Variants in ZNF385D observed in about 807,000 individuals in gnomAD.
The protein encoded by ZNF385D is zinc finger protein 385D.
ZNF385D carries 15 observed loss-of-function variants against 35.8 expected under a neutral mutation model. The ratio of observed to expected loss-of-function variants is 0.42; its 90% CI spans 0.28 to 0.64. ZNF385D has a LOEUF of 0.64. ZNF385D is among the 30% of genes least tolerant of loss of function. ZNF385D has a pLI of 0.23. For missense variants in ZNF385D, 474 were observed against 494.6 expected, an observed-to-expected ratio of 0.96 and a Z score of 0.39; for synonymous variants, 212 against 186.8, an observed-to-expected ratio of 1.13 and a Z score of -1.10.
At chr3:22,008,656 C>A (rs1206246567) in intron 3 of ZNF385D, among the ~76,000 whole-genome samples, 2 of 151,940 alleles carry the variant, frequency 1.3e-5, no homozygotes, top group African/African-American at 4.8e-5. Context: ...GCGCCCAGCC[C>A]GGGCCATGCT....
rs35583066 is a variant in ZNF385D, at chr3:22,287,180, T to C, written c.106+85270A>G. 2.4e-4 allele frequency among the ~76,000 whole-genome samples: 37 copies of C among 152,204 alleles called. No homozygotes were observed. In the South Asian group the frequency reaches 7.3e-3, roughly 30 times the overall value. On this transcript the variant is annotated intron_variant, in intron 2 of 5. Transcript: ENST00000494108. ...TTTACTTAAAGCTTACGTTGTCTAA[T>C]ATAAGTATAGCTACCTCTGCTCTCT...
chr3:22,252,577 T>C (rs1281744533), intron 2 of ZNF385D, among the ~76,000 whole-genome samples: 1 of 152,092 alleles, frequency 6.6e-6, no homozygotes, highest in Non-Finnish European at 1.5e-5. Context: ...TTGGGTGCTG[T>C]GCATTGTGCT....
At chr3:22,203,295 G>A (rs959550999) in intron 2 of ZNF385D, among the ~76,000 whole-genome samples, 2 of 152,072 alleles carry the variant, frequency 1.3e-5, no homozygotes, top group African/African-American at 4.8e-5. Context: ...TGGGACAGAA[G>A]GGAATATGCT....
At chr3:21,887,741 C>G (rs886962172) in intron 3 of ZNF385D, among the ~76,000 whole-genome samples, 5 of 152,058 alleles carry the variant, frequency 3.3e-5, no homozygotes, top group African/African-American at 1.2e-4. Flanking sequence ...AAGACTTACC[C>G]TAGGCTCTAG....
chr3:22,199,680 G>C (rs145951146), intron 2 of ZNF385D, among the ~76,000 whole-genome samples: 51 of 152,176 alleles, frequency 3.4e-4, no homozygotes, highest in African/African-American at 1.2e-3. Flanking sequence ...TGGAAACACT[G>C]TAGTAAAAAA....
intron 3 of ZNF385D, chr3:21,942,613 G>A (rs760875623): frequency 2.3e-4 from 35 of 152,294 alleles, no homozygotes; most frequent in East Asian, 3.9e-4. Flanking sequence ...ATGAAGTGCT[G>A]TTGACAGAAG....
chr3:22,131,997 G>A (rs952128932), intron 3 of ZNF385D, among the ~76,000 whole-genome samples: 3 of 152,164 alleles, frequency 2.0e-5, no homozygotes, highest in African/African-American at 7.2e-5. Context: ...AGGGGTGCAG[G>A]CCTGAAGTAG....
At chr3:21,628,463 T>G (rs1004779012) in intron 2 of ZNF385D, among the ~76,000 whole-genome samples, 6 of 151,920 alleles carry the variant, frequency 3.9e-5, no homozygotes, top group Non-Finnish European at 7.4e-5. Context: ...AAGGGTACTC[T>G]TGGAGAAAAA....
chr3:22,021,638 T>G (rs1697229993), intron 3 of ZNF385D, among the ~76,000 whole-genome samples: 1 of 152,074 alleles, frequency 6.6e-6, no homozygotes, highest in Admixed American at 6.6e-5. Context: ...TAACAAATAC[T>G]CAATACAAGT....
chr3:22,126,094 C>T (rs1271629020), intron 3 of ZNF385D, among the ~76,000 whole-genome samples: 1 of 151,700 alleles, frequency 6.6e-6, no homozygotes, highest in Non-Finnish European at 1.5e-5. Flanking sequence ...CCTTGTATAC[C>T]CAGGTTTTTG....
chr3:22,121,598 A>C (rs1309037673), intron 3 of ZNF385D, among the ~76,000 whole-genome samples: 1 of 152,168 alleles, frequency 6.6e-6, no homozygotes, highest in Non-Finnish European at 1.5e-5. Context: ...AATGCAAAAC[A>C]AACAGTAATC....
chr3:21,914,948 A>T (rs1157447993), intron 3 of ZNF385D, among the ~76,000 whole-genome samples: 1 of 151,952 alleles, frequency 6.6e-6, no homozygotes, highest in African/African-American at 2.4e-5. Flanking sequence ...ATCCAAAATT[A>T]GTATGTGTGC....
chr3:21,980,157 A>C (rs1694346499), intron 3 of ZNF385D, among the ~76,000 whole-genome samples: 1 of 152,306 alleles, frequency 6.6e-6, no homozygotes, highest in Non-Finnish European at 1.5e-5. Flanking sequence ...GGAACTACTA[A>C]GACCTCTTGC....
intron 3 of ZNF385D, among the ~76,000 whole-genome samples, chr3:22,163,861 A>AC (rs1242714834): frequency 1.3e-5 from 2 of 152,090 alleles, no homozygotes; most frequent in Non-Finnish European, 2.9e-5. Context: ...GAGAAGAATG[A>AC]AAGAATTCCC....
intron 3 of ZNF385D, among the ~76,000 whole-genome samples, chr3:21,846,599 G>A (rs1348751693): frequency 3.3e-5 from 5 of 151,970 alleles, no homozygotes; most frequent in African/African-American, 4.8e-5. Flanking sequence ...ACATGTTGCT[G>A]AAAAGAAGGA....
intron 3 of ZNF385D, among the ~76,000 whole-genome samples, chr3:22,095,997 A>G (rs866552184): frequency 1.3e-4 from 20 of 152,004 alleles, no homozygotes; most frequent in African/African-American, 3.9e-4. Context: ...CTTTGGTAAT[A>G]AAAGCTGGAG....
intron 2 of ZNF385D, among the ~76,000 whole-genome samples, chr3:22,261,276 T>C (rs1210552730): frequency 6.6e-6 from 1 of 151,970 alleles, no homozygotes; most frequent in Non-Finnish European, 1.5e-5. Context: ...CTAGACAGAC[T>C]GTAACATTAT....
At chr3:21,902,057 T>A (rs953448269) in intron 3 of ZNF385D, among the ~76,000 whole-genome samples, 1 of 152,144 alleles carries the variant, frequency 6.6e-6, no homozygotes, top group African/African-American at 2.4e-5. Flanking sequence ...CAAGTTCCAT[T>A]CAGTAATGAA....
Position 21,977,698 on chromosome 3 carries a change from A to G in ZNF385D, c.325+191119T>C, listed in dbSNP as rs536952463. Among the ~76,000 whole-genome samples the G allele has an allele frequency of 3.3e-5, 5 of 152,008 alleles. No individual in the cohort carries two copies. The South Asian group carries it at 1.0e-3, about 32-fold the overall frequency. ...TAATCATAATAACAAATTAGCTGGC[A>G]TGGTGGGGCTGTCTATGGTCCCAGC... On this transcript the variant is annotated intron_variant, in intron 3 of 5. Coordinates refer to the ZNF385D transcript ENST00000494108.
Sources: gnomAD v4.1 joint callset for allele counts (sites outside exome capture counted in the v4.1 genomes callset) on GRCh38, gnomAD v4.1.1 for gene constraint, MANE v1.5 for transcripts, NCBI Gene and HGNC (gene_info 2026-07-23, HGNC 2026-07-21) for gene names.